Variants in PTPRM observed in about 807,000 individuals in gnomAD.
PTPRM encodes the protein receptor-type tyrosine-protein phosphatase mu.
PTPRM carries 47 observed loss-of-function variants against 186.7 expected under a neutral mutation model. The ratio of observed to expected loss-of-function variants is 0.25; its 90% CI spans 0.20 to 0.32. PTPRM has a LOEUF of 0.32. PTPRM is among the 10% of genes least tolerant of loss of function. The pLI, the probability that PTPRM is intolerant of heterozygous loss-of-function variation, is 1.00. For missense variants in PTPRM, 1,494 were observed against 1,865.0 expected (o/e 0.80, Z 3.66); for synonymous variants, 668 against 674.9 (o/e 0.99, Z 0.16).
intron 1 of PTPRM, among the ~76,000 whole-genome samples, chr18:7,588,260 A>G (rs769036035): frequency 9.2e-5 from 14 of 152,200 alleles, no homozygotes; most frequent in Non-Finnish European, 1.8e-4. Context: ...AAATAACTAC[A>G]TTAATTTCCA....
chr18:8,087,517 T>C (rs896402189), intron 10 of PTPRM, among the ~76,000 whole-genome samples: 6 of 152,160 alleles, frequency 3.9e-5, no homozygotes, highest in African/African-American at 1.4e-4. Flanking sequence ...AATAATTTTA[T>C]TGAAAATCAA....
chr18:7,850,249 C>G (rs183209272), intron 2 of PTPRM, among the ~76,000 whole-genome samples: 1 of 152,188 alleles, frequency 6.6e-6, no homozygotes, highest in Non-Finnish European at 1.5e-5. Flanking sequence ...CCTTAAGATT[C>G]TGGGCTTTGT....
intron 14 of PTPRM, among the ~76,000 whole-genome samples, chr18:8,175,393 C>T (rs1031009956): frequency 2.6e-5 from 4 of 152,058 alleles, no homozygotes; most frequent in African/African-American, 9.7e-5. Flanking sequence ...GAGGTAAAAT[C>T]TGTATATTTG....
chr18:7,776,057 G>T (rs1473286875), intron 2 of PTPRM, among the ~76,000 whole-genome samples: 1 of 152,212 alleles, frequency 6.6e-6, no homozygotes, highest in African/African-American at 2.4e-5. Context: ...AAGAACAAAG[G>T]TGAATGAAGA....
At chr18:8,078,765 T>A (rs2089969605) in intron 9 of PTPRM, among the ~76,000 whole-genome samples, 3 of 152,128 alleles carry the variant, frequency 2.0e-5, no homozygotes, top group Non-Finnish European at 4.4e-5. Flanking sequence ...AGGAACCTTA[T>A]GAATGTGGCA....
chr18:8,121,866 T>C (rs1404167914), intron 13 of PTPRM: 1 of 152,208 alleles, frequency 6.6e-6, no homozygotes, highest in Non-Finnish European at 1.5e-5. Context: ...GAATTAACAA[T>C]GAATCTTTCA....
At chr18:8,343,012 A>G (rs959135902) in intron 22 of PTPRM, among the ~76,000 whole-genome samples, 5 of 152,242 alleles carry the variant, frequency 3.3e-5, no homozygotes, top group African/African-American at 4.8e-5. Flanking sequence ...CATTTTTCCT[A>G]TAGAGGCTCA....
chr18:8,181,064 C>G lies in PTPRM; in HGVS notation c.2300+37285C>G, dbSNP rs1173536429. On this transcript the variant is annotated intron_variant, in intron 14 of 32. Coordinates refer to ENST00000580170, the MANE Select transcript of PTPRM (RefSeq NM_001105244.2). ...AGTTGCAGTTGGTTAGGAAAGGACT[C>G]AAGTATGGAGGCATACTCAAGCCAA... Among the ~76,000 whole-genome samples the G allele has an allele frequency of 2.0e-5, 3 of 152,248 alleles. No individual in the cohort carries two copies. The East Asian group carries it at 5.8e-4, about 29-fold the overall frequency.
chr18:7,939,760 C>T (rs1231803367), intron 5 of PTPRM, among the ~76,000 whole-genome samples: 1 of 152,180 alleles, frequency 6.6e-6, no homozygotes, highest in African/African-American at 2.4e-5. Context: ...CTGTCTCTCC[C>T]AGTGAACTCT....
chr18:8,299,929 C>T (rs368228449), intron 20 of PTPRM, among the ~76,000 whole-genome samples: 7 of 152,150 alleles, frequency 4.6e-5, no homozygotes, highest in African/African-American at 1.7e-4. Context: ...TCTTACCCCC[C>T]AGGGCACATT....
chr18:8,119,662 C>T (rs1358513235), intron 13 of PTPRM, among the ~76,000 whole-genome samples: 4 of 151,994 alleles, frequency 2.6e-5, no homozygotes, highest in Non-Finnish European at 5.9e-5. Flanking sequence ...TCCGGAAAAA[C>T]CCTATGCTTT....
chr18:7,907,140 T>G (rs1423844144), intron 4 of PTPRM, among the ~76,000 whole-genome samples: 3 of 152,276 alleles, frequency 2.0e-5, no homozygotes, highest in Non-Finnish European at 4.4e-5. Flanking sequence ...TTAAAATTTC[T>G]ACTATGAACA....
chr18:7,912,934 G>A (rs915468097), intron 4 of PTPRM, among the ~76,000 whole-genome samples: 2 of 152,136 alleles, frequency 1.3e-5, no homozygotes, highest in Admixed American at 1.3e-4. Context: ...TGGGTGAGGG[G>A]TTATTGCTAT....
At chr18:8,263,082 GA>G (rs1166865187) in intron 19 of PTPRM, among the ~76,000 whole-genome samples, 4 of 151,936 alleles carry the variant, frequency 2.6e-5, no homozygotes, top group Non-Finnish European at 5.9e-5. Context: ...TTTACTTATT[GA>G]AAGCCAACCT....
At chr18:7,732,483 A>G (rs2040680978) in intron 1 of PTPRM, among the ~76,000 whole-genome samples, 1 of 152,152 alleles carries the variant, frequency 6.6e-6, no homozygotes, top group Non-Finnish European at 1.5e-5. Context: ...ATAAATTATA[A>G]TATTTGATTT....
Position 7,906,542 on chromosome 18 carries a change from A to G in PTPRM, c.506A>G (p.Tyr169Cys), listed in dbSNP as rs752727067. The change falls in exon 4 of 33, where the codon TAT (tyrosine) becomes TGT (cysteine). Residue 169 changes from tyrosine (Y) to cysteine (C), a missense_variant. Physicochemically the swap from Tyr to Cys is radical, Grantham distance 194. Transcript: ENST00000580170. ...GTGATAACTTCTGGACATCAAGGCT[A>G]TCTCGCTATCGATGAGGTGAAGGTG... The part of the protein sequence containing the change: ...FEVITSGHQG[Y>C]LAIDEVKVLG... The G allele has an allele frequency of 1.5e-5, 25 of 1,613,584 alleles. No individual in the cohort carries two copies. In the South Asian group the frequency reaches 2.1e-4, roughly 13 times the overall value.
intron 17 of PTPRM, among the ~76,000 whole-genome samples, chr18:8,249,717 C>A (rs1233838044): frequency 6.6e-6 from 1 of 152,160 alleles, no homozygotes; most frequent in East Asian, 1.9e-4. Flanking sequence ...AAACAAATAT[C>A]ATTCTTTAAA....
chr18:8,295,478 C>T (rs544343164), intron 19 of PTPRM, among the ~76,000 whole-genome samples: 1 of 152,050 alleles, frequency 6.6e-6, no homozygotes, highest in South Asian at 2.1e-4. Flanking sequence ...TGTTCTCTGG[C>T]CCCAAAGCGT....
At chr18:8,033,113 T>C (rs931296090) in intron 7 of PTPRM, among the ~76,000 whole-genome samples, 1 of 151,798 alleles carries the variant, frequency 6.6e-6, no homozygotes, top group African/African-American at 2.4e-5. Context: ...AAATGACAAC[T>C]TAGAGAAAAA....
Sources: allele counts gnomAD v4.1 joint callset (sites outside exome capture counted in the v4.1 genomes callset), GRCh38; gene constraint gnomAD v4.1.1; transcripts MANE v1.5; gene names NCBI Gene and HGNC (gene_info 2026-07-23, HGNC 2026-07-21).